TRDN: variants seen among roughly 807,000 people sequenced by gnomAD.
TRDN encodes the protein triadin in skeletal muscle.
A neutral mutation model predicts 149.7 loss-of-function variants in TRDN; 161 were observed. That is an observed-to-expected ratio of 1.08 (90% confidence interval 0.95 to 1.23). The LOEUF is 1.23. Among genes scored for constraint, TRDN ranks in the 50% most tolerant of loss-of-function variants. The pLI is 0.00. For synonymous variants in TRDN, 294 were observed against 250.5 expected (o/e 1.17, Z -1.64); for missense variants, 896 against 823.5 (o/e 1.09, Z -1.08).
intron 5 of TRDN, chr6:123,528,792 T>A (rs1583194109): frequency 4.0e-6 from 4 of 995,208 alleles, no homozygotes; most frequent in South Asian, 4.4e-5. Context: ...CTTTTGTTCA[T>A]ATTCACACAG....
intron 1 of TRDN, among the ~76,000 whole-genome samples, chr6:123,580,399 A>C (rs993160973): frequency 1.3e-5 from 2 of 152,140 alleles, no homozygotes; most frequent in South Asian, 2.1e-4. Flanking sequence ...TAGAACCCCC[A>C]AAAAACACTT....
intron 38 of TRDN, among the ~76,000 whole-genome samples, chr6:123,238,341 A>G (rs1434150333): frequency 6.6e-6 from 1 of 152,208 alleles, no homozygotes; most frequent in Non-Finnish European, 1.5e-5. Flanking sequence ...TGGAATTTAG[A>G]TGTTTTCATA....
intron 5 of TRDN, among the ~76,000 whole-genome samples, chr6:123,520,317 T>G (rs1022438327): frequency 6.6e-6 from 1 of 152,158 alleles, no homozygotes; most frequent in Non-Finnish European, 1.5e-5. Context: ...ATATAAGAAG[T>G]AACTACCCTG....
chr6:123,248,622 T>C (rs1200659950), intron 38 of TRDN, among the ~76,000 whole-genome samples: 1 of 151,626 alleles, frequency 6.6e-6, no homozygotes, highest in Non-Finnish European at 1.5e-5. Flanking sequence ...CTGGAAAAAA[T>C]ATTGGATACT....
At chr6:123,346,472 T>C (rs1780250114) in intron 21 of TRDN, among the ~76,000 whole-genome samples, 1 of 152,022 alleles carries the variant, frequency 6.6e-6, no homozygotes. Context: ...TTGTAATCTT[T>C]GTGATGGATA....
chr6:123,512,758 A>G (rs1779242187), intron 6 of TRDN, among the ~76,000 whole-genome samples: 1 of 151,406 alleles, frequency 6.6e-6, no homozygotes, highest in Non-Finnish European at 1.5e-5. Context: ...ATCATCATAC[A>G]TTTTTCAATA....
chr6:123,608,272 T>C (rs1784612089), intron 1 of TRDN, among the ~76,000 whole-genome samples: 2 of 152,192 alleles, frequency 1.3e-5, no homozygotes, highest in African/African-American at 4.8e-5. Flanking sequence ...ATTATTAATA[T>C]GCTCTATCTT....
rs577814148 is a variant in TRDN, at chr6:123,548,636, A to G, written c.233-24T>C. The G allele has an allele frequency of 4.1e-4, 556 of 1,346,208 alleles. 2 individuals carry two copies. The East Asian group carries it at 6.7e-3, about 16-fold the overall frequency. The allele number at this position is 1,346,208 out of a possible 1,614,324, so 83.4% of individuals were successfully genotyped here. A position where few individuals can be genotyped will look rare whatever the true frequency, so the allele number is the denominator to read the frequency against. The stretch of plus-strand genomic sequence containing the variant: ...TGCTAAAAGTAATTAAAAAAAAAAA[A>G]AAAGAAAAAGTTTGTGATCATTTCC... On this transcript the variant is annotated intron_variant, in intron 2 of 40. Coordinates refer to ENST00000334268, the MANE Select transcript of TRDN (RefSeq NM_006073.4).
At chr6:123,237,017 A>G (rs1301425174) in intron 38 of TRDN, among the ~76,000 whole-genome samples, 1 of 152,034 alleles carries the variant, frequency 6.6e-6, no homozygotes, top group Non-Finnish European at 1.5e-5. Flanking sequence ...GCTATGTTGA[A>G]TCTTCCAATT....
At chr6:123,420,293 A>T (rs1773841268) in intron 12 of TRDN, among the ~76,000 whole-genome samples, 1 of 152,194 alleles carries the variant, frequency 6.6e-6, no homozygotes, top group Admixed American at 6.5e-5. Context: ...GTCCTCTGAC[A>T]TGCACTAGTG....
intron 12 of TRDN, among the ~76,000 whole-genome samples, chr6:123,406,870 C>G (rs964940498): frequency 6.6e-6 from 1 of 152,088 alleles, no homozygotes; most frequent in Non-Finnish European, 1.5e-5. Context: ...TCGTCTTTAT[C>G]TCTGTGCTCT....
At chr6:123,405,249 G>A (rs1773146523) in intron 12 of TRDN, among the ~76,000 whole-genome samples, 1 of 152,212 alleles carries the variant, frequency 6.6e-6, no homozygotes, top group African/African-American at 2.4e-5. Context: ...GTGTTTGAGA[G>A]CAAGTGAGTA....
intron 14 of TRDN, among the ~76,000 whole-genome samples, chr6:123,386,641 G>T (rs144631380): frequency 6.6e-6 from 1 of 152,306 alleles, no homozygotes; most frequent in African/African-American, 2.4e-5. Flanking sequence ...TCTCCCAGGA[G>T]GATGTCAAGA....
At chr6:123,539,629 T>C (rs568221710) in intron 4 of TRDN, among the ~76,000 whole-genome samples, 63 of 152,324 alleles carry the variant, frequency 4.1e-4, no homozygotes, top group African/African-American at 1.4e-3. Context: ...TTTGATATGT[T>C]CAGATGATGA....
At chr6:123,356,503 TTATATATATATATATATATATA>T (rs71021444) in intron 20 of TRDN, among the ~76,000 whole-genome samples, 21,365 of 107,118 alleles carry the variant, frequency 0.2, 2,938 homozygotes, top group East Asian at 0.64. Context: ...TACAAGAAGT[TTATATATATATATATATATATA>T]TATATATATA....
At chr6:123,526,926 A>G (rs1779979838) in intron 5 of TRDN, among the ~76,000 whole-genome samples, 2 of 152,066 alleles carry the variant, frequency 1.3e-5, no homozygotes, top group African/African-American at 4.8e-5. Context: ...ACTGATAGTT[A>G]CTGTTTAAAA....
chr6:123,626,570 G>A (rs1191460673), intron 1 of TRDN, among the ~76,000 whole-genome samples: 1 of 152,050 alleles, frequency 6.6e-6, no homozygotes, highest in Non-Finnish European at 1.5e-5. Flanking sequence ...TAGATCTCTT[G>A]CTGTTTCCAC....
At chr6:123,254,994 T>C (rs1209672435) in intron 37 of TRDN, 87 bp downstream of exon 37, 3 of 828,660 alleles carry the variant, frequency 3.6e-6, no homozygotes, top group East Asian at 2.8e-5. Context: ...GATTTCTTTG[T>C]TCCAAAATAA....
At chr6:123,317,684 G>T (rs1779077301) in intron 23 of TRDN, among the ~76,000 whole-genome samples, 1 of 151,738 alleles carries the variant, frequency 6.6e-6, no homozygotes, top group African/African-American at 2.4e-5. Flanking sequence ...TTTTGTTATT[G>T]TCTGTAATCA....
Sources: allele counts gnomAD v4.1 joint callset (sites outside exome capture counted in the v4.1 genomes callset), GRCh38; gene constraint gnomAD v4.1.1; transcripts MANE v1.5; gene names NCBI Gene and HGNC (gene_info 2026-07-23, HGNC 2026-07-21).